The following FBXO25 variants were observed in gnomAD, a reference collection of about 807,000 sequenced individuals.
The protein encoded by FBXO25 is F-box only protein 25.
FBXO25 carries 45 observed loss-of-function variants against 51.9 expected under a neutral mutation model. The ratio of observed to expected loss-of-function variants is 0.87; its 90% confidence interval spans 0.68 to 1.11. The LOEUF is 1.11. FBXO25 is among the 50% of genes most tolerant of loss of function. The probability of loss-of-function intolerance (pLI) is 0.00; values close to 1 mark genes in which losing one functional copy is unlikely to be tolerated. For synonymous variants in FBXO25, 199 were observed against 151.0 expected, an observed-to-expected ratio of 1.32 and a Z score of -2.33; for missense variants, 507 against 428.5, an observed-to-expected ratio of 1.18 and a Z score of -1.62.
At chr8:462,519 T>A (rs939588048) in intron 8 of FBXO25, among the ~76,000 whole-genome samples, 1 of 152,244 alleles carries the variant, frequency 6.6e-6, no homozygotes, top group Non-Finnish European at 1.5e-5. Flanking sequence ...ATTTATTTGA[T>A]TTGTCACTTA....
At chr8:450,760 C>G (rs748356956) in intron 6 of FBXO25, 1 of 152,358 alleles carries the variant, frequency 6.6e-6, no homozygotes, top group Non-Finnish European at 1.5e-5. Flanking sequence ...GTAAAATACA[C>G]ATTACATAAA....
intron 2 of FBXO25, among the ~76,000 whole-genome samples, chr8:418,990 A>C (rs1796986657): frequency 6.6e-6 from 1 of 152,224 alleles, no homozygotes; most frequent in Non-Finnish European, 1.5e-5. Context: ...TGCTTACCAC[A>C]CAAAAACCAC....
At chr8:445,905 T>C (rs1343530957) in intron 5 of FBXO25, among the ~76,000 whole-genome samples, 1 of 152,186 alleles carries the variant, frequency 6.6e-6, no homozygotes, top group Non-Finnish European at 1.5e-5. Context: ...AAGGACTGTA[T>C]GTCTCACACC....
At chr8:437,650 T>A (rs1332318342) in intron 5 of FBXO25, among the ~76,000 whole-genome samples, 2 of 152,210 alleles carry the variant, frequency 1.3e-5, no homozygotes, top group African/African-American at 4.8e-5. Flanking sequence ...TTGCCTTGGA[T>A]TGGGCTCCTC....
At chr8:459,812 A>C (rs1369287642) in intron 8 of FBXO25, among the ~76,000 whole-genome samples, 1 of 152,184 alleles carries the variant, frequency 6.6e-6, no homozygotes, top group Non-Finnish European at 1.5e-5. Context: ...GTTGAGGGAT[A>C]GAATGAGGTG....
chr8:425,927 C>G (rs545515907), intron 2 of FBXO25, among the ~76,000 whole-genome samples: 24 of 148,174 alleles, frequency 1.6e-4, no homozygotes, highest in African/African-American at 5.0e-4. Context: ...ATCCTAATGC[C>G]TTTATAGCAA....
chr8:454,890 C>CAAAAAAAAAA lies in FBXO25; in HGVS notation c.660+3444_660+3445insAAAAAAAAAA, dbSNP rs376342237. ...TGGGTGACAGAGGGAGACTCCATCT[C>CAAAAAAAAAA]AAAAAAAGAAAAAGAAAAAGAAAAC... On this transcript the variant is annotated intron_variant, in intron 7 of 9. Transcript: ENST00000350302. 3.3e-4 allele frequency among the ~76,000 whole-genome samples: 36 copies of CAAAAAAAAAA among 109,540 alleles called. 1 individual carries two copies. The highest frequency in any genetic ancestry group is 6.4e-4 in the African/African-American group (15 of 23,262). The allele number at this position is 109,540 out of a possible 152,430, so 71.9% of individuals were successfully genotyped here.
chr8:420,110 G>A (rs1030707194), intron 2 of FBXO25, among the ~76,000 whole-genome samples: 8 of 152,054 alleles, frequency 5.3e-5, no homozygotes, highest in African/African-American at 1.9e-4. Context: ...CTAGCCTGAG[G>A]CCACGGTACC....
At chr8:415,720 T>C (rs1361371326) in intron 2 of FBXO25, among the ~76,000 whole-genome samples, 1 of 152,166 alleles carries the variant, frequency 6.6e-6, no homozygotes, top group African/African-American at 2.4e-5. Flanking sequence ...GGAAATGGTG[T>C]AAGTAAATAA....
chr8:456,609 G>A (rs376749497), intron 7 of FBXO25, among the ~76,000 whole-genome samples: 2 of 152,156 alleles, frequency 1.3e-5, no homozygotes, highest in South Asian at 2.1e-4. Flanking sequence ...AGCAAAAAAC[G>A]TGTGTACAGA....
intron 2 of FBXO25, among the ~76,000 whole-genome samples, chr8:424,205 A>G (rs1419866056): frequency 1.4e-5 from 2 of 143,014 alleles, no homozygotes; most frequent in Non-Finnish European, 3.0e-5. Flanking sequence ...TCCTTTGCCC[A>G]TTTTTTAATG....
At chr8:433,651 A>T (rs984779671) in intron 4 of FBXO25, among the ~76,000 whole-genome samples, 9 of 152,168 alleles carry the variant, frequency 5.9e-5, no homozygotes, top group Non-Finnish European at 1.0e-4. Flanking sequence ...CGGGAAGTTG[A>T]GTTCCTTTTA....
chr8:454,168 G>A (rs1336430310), intron 7 of FBXO25, among the ~76,000 whole-genome samples: 2 of 152,178 alleles, frequency 1.3e-5, no homozygotes, highest in African/African-American at 2.4e-5. Flanking sequence ...AATACTCATA[G>A]TCCCAAAAGT....
chr8:435,776 G>T, intron 5 of FBXO25, 69 bp downstream of exon 5: 1 of 1,544,240 alleles, frequency 6.5e-7, no homozygotes, highest in Admixed American at 2.2e-5. Context: ...GATTGTAAGT[G>T]TACAACGTTG....
chr8:454,262 C>A (rs766550892), intron 7 of FBXO25, among the ~76,000 whole-genome samples: 1 of 152,174 alleles, frequency 6.6e-6, no homozygotes, highest in Non-Finnish European at 1.5e-5. Flanking sequence ...ATATACTTTG[C>A]TGTTTAAGCT....
At chr8:453,435 C>T (rs1220409777) in intron 7 of FBXO25, among the ~76,000 whole-genome samples, 2 of 152,052 alleles carry the variant, frequency 1.3e-5, no homozygotes, top group African/African-American at 4.8e-5. Context: ...GTCAGGTTCC[C>T]TTGTAGGAGT....
chr8:447,402 C>T (rs1427277236), intron 5 of FBXO25, among the ~76,000 whole-genome samples: 5 of 152,052 alleles, frequency 3.3e-5, no homozygotes, highest in African/African-American at 7.3e-5. Context: ...TGACCGTCAC[C>T]GCATGGATAT....
At position 458,524 on chromosome 8, in the gene FBXO25, T is replaced by C. The variant is rs759599898; in HGVS notation, c.816T>C (p.Leu272=). 6.2e-7 allele frequency: 1 copy of C among 1,614,110 alleles called. No homozygotes were observed. Among genetic ancestry groups the C allele is most frequent in the Admixed American group, 1.7e-5 (1 of 60,024 alleles). ...LSEDRQLWKK[L]CQYHFAEKQF... ...AAGACAGACAGCTGTGGAAGAAGCTTTGTCAGTACCATTTTGCTGAAAAGC... is the reference window on the plus strand; with the variant it reads ...AAGACAGACAGCTGTGGAAGAAGCTCTGTCAGTACCATTTTGCTGAAAAGC... Residue 272 remains leucine, a synonymous_variant, in exon 8 of 10, where the codon CTT becomes CTC. Transcript: ENST00000350302.
intron 9 of FBXO25, chr8:468,242 C>G: frequency 9.9e-7 from 1 of 1,011,222 alleles, no homozygotes; most frequent in Non-Finnish European, 1.2e-6. Context: ...GGCCGTGTGT[C>G]CCCCTCTCCT....
Sources: allele counts gnomAD v4.1 joint callset (sites outside exome capture counted in the v4.1 genomes callset), GRCh38; gene constraint gnomAD v4.1.1; transcripts MANE v1.5; gene names NCBI Gene and HGNC (gene_info 2026-07-23, HGNC 2026-07-21).